The following TSC22D1 variants were observed in gnomAD, a reference collection of about 807,000 sequenced individuals.
TSC22D1 encodes the protein TSC22 domain family protein 1.
In TSC22D1, 9 loss-of-function variants were observed where a neutral mutation model predicts 74.2. That is an observed-to-expected ratio of 0.12 (90% CI 0.07 to 0.21). The LOEUF (loss-of-function observed/expected upper bound fraction) is 0.21, where lower values mean the gene tolerates loss of function less well. TSC22D1 is among the 10% of genes least tolerant of loss of function. TSC22D1 has a pLI of 1.00. For missense variants in TSC22D1, 1,427 were observed against 1,304.7 expected, an observed-to-expected ratio of 1.09 and a Z score of -1.44; for synonymous variants, 586 against 492.5, an observed-to-expected ratio of 1.19 and a Z score of -2.51.
intron 1 of TSC22D1, among the ~76,000 whole-genome samples, chr13:44,521,954 A>AG (rs1022311399): frequency 6.6e-6 from 1 of 152,184 alleles, no homozygotes; most frequent in African/African-American, 2.4e-5. Flanking sequence ...AGCTGCTAAA[A>AG]AAAACAATAG....
At chr13:44,474,281 C>A (rs1007618164) in intron 1 of TSC22D1, 2 of 985,252 alleles carry the variant, frequency 2.0e-6, no homozygotes, top group African/African-American at 3.5e-5. Flanking sequence ...CTTTCTTGGG[C>A]CTCTCTTCCC....
At chr13:44,473,687 C>A (rs1282274732) in intron 1 of TSC22D1, among the ~76,000 whole-genome samples, 2 of 151,900 alleles carry the variant, frequency 1.3e-5, no homozygotes, top group Non-Finnish European at 2.9e-5. Flanking sequence ...CTTTATTAAG[C>A]ATTCACAAAA....
In TSC22D1 at chr13:44,449,491, C is replaced by A. The variant is rs138686190; in HGVS notation, c.2913-13396G>T. On this transcript the variant is annotated intron_variant, in intron 1 of 2. Coordinates refer to ENST00000458659, the MANE Select transcript of TSC22D1 (RefSeq NM_183422.4). Reference sequence around the variant, plus strand: ...AGGCAGGCAGGCTGCGTCCCCAAGGCTTGTGGCCAGGAATAGGAGAAATGG... The same window carrying A: ...AGGCAGGCAGGCTGCGTCCCCAAGGATTGTGGCCAGGAATAGGAGAAATGG... Among the ~76,000 whole-genome samples, 7 of 152,264 alleles carry A rather than the reference C, an allele frequency of 4.6e-5. No homozygotes were observed. In the East Asian group the frequency reaches 1.4e-3, roughly 29 times the overall value.
chr13:44,447,833 C>CCT (rs1875808098), intron 1 of TSC22D1, among the ~76,000 whole-genome samples: 1 of 129,470 alleles, frequency 7.7e-6, no homozygotes, highest in African/African-American at 2.9e-5. Context: ...AATGCCTTTT[C>CCT]TTTTTTTTTT....
At chr13:44,437,958 C>T (rs1035031764) in intron 1 of TSC22D1, among the ~76,000 whole-genome samples, 1 of 152,120 alleles carries the variant, frequency 6.6e-6, no homozygotes, top group Non-Finnish European at 1.5e-5. Flanking sequence ...CAAATAATTC[C>T]CTTCTCCAAA....
intron 1 of TSC22D1, among the ~76,000 whole-genome samples, chr13:44,478,338 A>G (rs1465248282): frequency 2.0e-5 from 3 of 152,168 alleles, no homozygotes; most frequent in Admixed American, 1.3e-4. Flanking sequence ...TTATACGTAT[A>G]TTACCTCATG....
rs1481559743 is a variant in TSC22D1 at position 44,574,525 on chromosome 13, A to C, written c.1550T>G (p.Leu517Arg). The C allele has an allele frequency of 1.9e-6, 3 of 1,614,148 alleles. No individual in the cohort carries two copies. The highest frequency in any genetic ancestry group is 1.7e-6 in the Non-Finnish European group (2 of 1,180,030). ...AGTGCTACCAAAATCCATCTGTTGG[A>C]GGGTCACACCTTGGAGAGCTGGTTG... ...QQQPALQGVT[L>R]QQMDFGSTGP... Residue 517 changes from leucine to arginine, a missense_variant, in exon 1 of 3, where the codon CTC becomes CGC. By Grantham distance (102) the Leu-to-Arg change is moderately radical. Transcript: ENST00000458659.
At chr13:44,470,523 G>T (rs917951813) in intron 1 of TSC22D1, among the ~76,000 whole-genome samples, 1 of 152,106 alleles carries the variant, frequency 6.6e-6, no homozygotes, top group Non-Finnish European at 1.5e-5. Context: ...CCTTAAAGTT[G>T]CTCCATGAGC....
rs775846929 is a variant in TSC22D1, at chr13:44,573,972, G to T, written c.2103C>A (p.Val701=). Residue 701 remains valine, a synonymous_variant, in exon 1 of 3, where the codon GTC becomes GTA. Coordinates refer to ENST00000458659, the MANE Select transcript of TSC22D1 (RefSeq NM_183422.4). ...GIQLPVQPTA[V]PAQPAGASVQ... ...CAGATGCCCCTGCAGGTTGTGCTGG[G>T]ACTGCTGTGGGCTGCACTGGCAGCT... 6.2e-7 allele frequency: 1 copy of T among 1,613,942 alleles called. No individual in the cohort carries two copies. Among genetic ancestry groups the T allele is most frequent in the African/African-American group, 1.3e-5 (1 of 74,950 alleles).
At chr13:44,477,919 G>T (rs1877998304) in intron 1 of TSC22D1, among the ~76,000 whole-genome samples, 1 of 152,126 alleles carries the variant, frequency 6.6e-6, no homozygotes, top group African/African-American at 2.4e-5. Context: ...GGGATTACAG[G>T]CGTGAGCCAC....
intron 1 of TSC22D1, among the ~76,000 whole-genome samples, chr13:44,530,745 G>A (rs1269018257): frequency 2.0e-5 from 3 of 151,346 alleles, no homozygotes; most frequent in African/African-American, 7.3e-5. Flanking sequence ...AAGTGTATGA[G>A]AAGATGTTCA....
chr13:44,451,134 A>G (rs1222686602), intron 1 of TSC22D1, among the ~76,000 whole-genome samples: 1 of 152,216 alleles, frequency 6.6e-6, no homozygotes, highest in Non-Finnish European at 1.5e-5. Flanking sequence ...GGTGCCAGCA[A>G]AGAGCCAGCA....
chr13:44,536,861 A>G, intron 1 of TSC22D1: 1 of 979,280 alleles, frequency 1.0e-6, no homozygotes, highest in Non-Finnish European at 1.2e-6. Flanking sequence ...CAGATCACCT[A>G]TTTCATACAT....
chr13:44,535,625 C>A (rs545583923), intron 1 of TSC22D1, among the ~76,000 whole-genome samples: 1 of 144,032 alleles, frequency 6.9e-6, no homozygotes, highest in African/African-American at 2.7e-5. Context: ...CTACAAAAAA[C>A]AAACAAACAA....
intron 2 of TSC22D1, chr13:44,435,106 A>T: frequency 2.1e-6 from 1 of 478,686 alleles, no homozygotes; most frequent in East Asian, 3.7e-5. Context: ...GCTTCTCTGC[A>T]GACGTTGGCC....
intron 1 of TSC22D1, among the ~76,000 whole-genome samples, chr13:44,457,458 C>T (rs775626651): frequency 6.6e-6 from 1 of 151,960 alleles, no homozygotes; most frequent in African/African-American, 2.4e-5. Flanking sequence ...GTGATGAGAA[C>T]ATGTGGTATC....
intron 1 of TSC22D1, among the ~76,000 whole-genome samples, chr13:44,442,934 AT>A (rs1875323092): frequency 7.1e-6 from 1 of 140,542 alleles, no homozygotes; most frequent in African/African-American, 2.6e-5. Flanking sequence ...AAAAAAAAGA[AT>A]GAAAAAGAAC....
At chr13:44,446,803 A>G (rs9567436) in intron 1 of TSC22D1, among the ~76,000 whole-genome samples, 73,726 of 139,986 alleles carry the variant, frequency 0.53, 19,615 homozygotes, top group East Asian at 0.64. Context: ...GGAGGAGGAA[A>G]AGGAGGAGGA....
intron 1 of TSC22D1, among the ~76,000 whole-genome samples, chr13:44,477,636 A>G (rs1430590061): frequency 2.2e-5 from 3 of 139,362 alleles, no homozygotes; most frequent in Non-Finnish European, 3.1e-5. Flanking sequence ...ATGTGCTCAT[A>G]GATTTTTTTT....
Sources: gnomAD v4.1 joint callset for allele counts (sites outside exome capture counted in the v4.1 genomes callset) on GRCh38, gnomAD v4.1.1 for gene constraint, MANE v1.5 for transcripts, NCBI Gene and HGNC (gene_info 2026-07-23, HGNC 2026-07-21) for gene names.